Variants in EYS observed in about 807,000 individuals in gnomAD.
EYS encodes the protein EGF-like photoreceptor maintenance factor.
A neutral mutation model predicts 282.1 loss-of-function variants in EYS; 250 were observed. That is an observed-to-expected ratio of 0.89 (90% CI 0.80 to 0.98). The LOEUF is 0.98. Ranked by LOEUF, EYS falls within the 50% of genes least tolerant of loss-of-function variation. The pLI, the probability that EYS is intolerant of heterozygous loss-of-function variation, is 0.00. For synonymous variants in EYS, 1,355 were observed against 1,282.9 expected (o/e 1.06, Z -1.20); for missense variants, 4,016 against 3,709.0 (o/e 1.08, Z -2.15).
intron 22 of EYS, among the ~76,000 whole-genome samples, chr6:64,706,075 A>G (rs982437266): frequency 2.6e-5 from 4 of 152,142 alleles, no homozygotes; most frequent in African/African-American, 9.7e-5. Context: ...AAACTATACT[A>G]AAAGGCCATA....
At chr6:64,061,144 A>G (rs1249167416) in intron 33 of EYS, among the ~76,000 whole-genome samples, 1 of 152,180 alleles carries the variant, frequency 6.6e-6, no homozygotes, top group African/African-American at 2.4e-5. Flanking sequence ...GGAAGGGGGA[A>G]TAGGCTATGT....
intron 2 of EYS, among the ~76,000 whole-genome samples, chr6:65,537,575 G>C (rs1422147093): frequency 2.0e-5 from 3 of 151,854 alleles, no homozygotes; most frequent in Non-Finnish European, 1.5e-5. Flanking sequence ...GATCTGGGAG[G>C]ATAAACATTA....
intron 12 of EYS, among the ~76,000 whole-genome samples, chr6:65,062,752 C>T (rs1010267841): frequency 1.3e-5 from 2 of 151,930 alleles, no homozygotes; most frequent in Non-Finnish European, 2.9e-5. Context: ...TGGAGGATAA[C>T]TCATTCTTAT....
At chr6:65,339,013 G>A (rs1260389174) in intron 10 of EYS, among the ~76,000 whole-genome samples, 1 of 151,026 alleles carries the variant, frequency 6.6e-6, no homozygotes, top group Admixed American at 6.6e-5. Flanking sequence ...AGTACATAGG[G>A]TCACTTGGCA....
intron 11 of EYS, among the ~76,000 whole-genome samples, chr6:65,298,812 G>T (rs1768735598): frequency 6.6e-6 from 1 of 151,372 alleles, no homozygotes; most frequent in African/African-American, 2.4e-5. Flanking sequence ...TCCATTTAAT[G>T]ATATGTCTGA....
chr6:63,859,641 G>GAAA (rs199714551), intron 36 of EYS, among the ~76,000 whole-genome samples: 1 of 94,288 alleles, frequency 1.1e-5, no homozygotes, highest in Non-Finnish European at 2.3e-5. Context: ...ACTGCCACCA[G>GAAA]AAAAAAAAAA....
At chr6:64,140,552 GC>G (rs1458103409) in intron 31 of EYS, among the ~76,000 whole-genome samples, 1 of 152,280 alleles carries the variant, frequency 6.6e-6, no homozygotes, top group East Asian at 1.9e-4. Context: ...CAGCCAATGA[GC>G]AACTCTAGCA....
intron 22 of EYS, among the ~76,000 whole-genome samples, chr6:64,676,328 A>ATC (rs1311957370): frequency 6.9e-6 from 1 of 145,596 alleles, no homozygotes; most frequent in Non-Finnish European, 1.5e-5. Flanking sequence ...ATATATATAT[A>ATC]TCTATATATC....
chr6:64,448,770 C>A (rs1404066463), intron 26 of EYS, among the ~76,000 whole-genome samples: 1 of 152,178 alleles, frequency 6.6e-6, no homozygotes, highest in Non-Finnish European at 1.5e-5. Flanking sequence ...CTCCAGTAAA[C>A]TCCAACAGAC....
At chr6:65,362,064 TTC>T (rs139208215) in intron 8 of EYS, among the ~76,000 whole-genome samples, 101,731 of 151,276 alleles carry the variant, frequency 0.67, 34,269 homozygotes, top group South Asian at 0.71. Flanking sequence ...TTTCATTTAT[TTC>T]CTTTTAAAGA....
intron 12 of EYS, among the ~76,000 whole-genome samples, chr6:65,083,389 A>G (rs969969829): frequency 6.6e-6 from 1 of 152,012 alleles, no homozygotes; most frequent in African/African-American, 2.4e-5. Context: ...AATTGATAAT[A>G]TAAAAATCTA....
chr6:65,072,356 T>TAAAC (rs559017358), intron 12 of EYS, among the ~76,000 whole-genome samples: 4 of 151,286 alleles, frequency 2.6e-5, no homozygotes, highest in South Asian at 2.1e-4. Flanking sequence ...ACCAGAACAA[T>TAAAC]AAACAAACAA....
intron 35 of EYS, among the ~76,000 whole-genome samples, chr6:63,972,636 A>T (rs1766638480): frequency 6.6e-6 from 1 of 152,038 alleles, no homozygotes; most frequent in Admixed American, 6.6e-5. Context: ...GGTTTGCTGC[A>T]CCCATCAACC....
intron 13 of EYS, among the ~76,000 whole-genome samples, chr6:65,011,979 G>T (rs1034706993): frequency 9.9e-5 from 15 of 152,160 alleles, no homozygotes; most frequent in South Asian, 4.1e-4. Flanking sequence ...AAAAAAGAAA[G>T]TAGATTATTA....
At chr6:65,614,118 C>G (rs145477621) in intron 2 of EYS, among the ~76,000 whole-genome samples, 1,941 of 152,008 alleles carry the variant, frequency 0.013, 27 homozygotes, top group African/African-American at 0.043. Flanking sequence ...TTTCCATTAT[C>G]TTTAGGTTTA....
intron 2 of EYS, among the ~76,000 whole-genome samples, chr6:65,618,372 T>C (rs918892991): frequency 1.4e-4 from 21 of 152,388 alleles, no homozygotes; most frequent in Admixed American, 5.2e-4. Context: ...TGTCTGTTCA[T>C]GTCCTTCGCC....
At chr6:65,467,056 C>A (rs1165997958) in intron 5 of EYS, among the ~76,000 whole-genome samples, 1 of 151,986 alleles carries the variant, frequency 6.6e-6, no homozygotes, top group Non-Finnish European at 1.5e-5. Flanking sequence ...AAAGTAATGG[C>A]CAAAAACACA....
At chr6:64,752,573 C>G (rs972370375) in intron 22 of EYS, among the ~76,000 whole-genome samples, 2 of 152,032 alleles carry the variant, frequency 1.3e-5, no homozygotes, top group Non-Finnish European at 2.9e-5. Context: ...AAAGGTTGGA[C>G]TATCTATTTG....
At chr6:64,934,766 T>C (rs1476473772) in intron 15 of EYS, among the ~76,000 whole-genome samples, 1 of 151,894 alleles carries the variant, frequency 6.6e-6, no homozygotes, top group African/African-American at 2.4e-5. Flanking sequence ...ATAGTAATGA[T>C]AGTCCTTTAG....
Sources: allele counts gnomAD v4.1 joint callset (sites outside exome capture counted in the v4.1 genomes callset), GRCh38; gene constraint gnomAD v4.1.1; transcripts MANE v1.5; gene names NCBI Gene and HGNC (gene_info 2026-07-23, HGNC 2026-07-21).